Variants in ZCCHC4 observed in about 807,000 individuals in gnomAD.
The protein encoded by ZCCHC4 is rRNA N(6)-adenosine-methyltransferase ZCCHC4.
ZCCHC4 carries 54 observed loss-of-function variants against 67.7 expected under a neutral mutation model. The ratio of observed to expected loss-of-function variants is 0.80; its 90% confidence interval spans 0.64 to 1.00. The LOEUF is 1.00. Ranked by LOEUF, ZCCHC4 falls within the 50% of genes least tolerant of loss-of-function variation. The probability of loss-of-function intolerance (pLI) is 0.00; values close to 1 mark genes in which losing one functional copy is unlikely to be tolerated. For synonymous variants in ZCCHC4, 198 were observed against 213.5 expected, an observed-to-expected ratio of 0.93 and a Z score of 0.63; for missense variants, 609 against 617.0, an observed-to-expected ratio of 0.99 and a Z score of 0.14.
At chr4:25,344,250 TA>T (rs1291627858) in intron 5 of ZCCHC4, among the ~76,000 whole-genome samples, 1 of 152,084 alleles carries the variant, frequency 6.6e-6, no homozygotes, top group East Asian at 1.9e-4. Context: ...AATGGCTTTT[TA>T]AAATACTGTG....
chr4:25,350,774 T>G (rs1720266571), intron 7 of ZCCHC4, among the ~76,000 whole-genome samples: 1 of 152,200 alleles, frequency 6.6e-6, no homozygotes, highest in Non-Finnish European at 1.5e-5. Flanking sequence ...AGTCCACTAA[T>G]TAGAGTGGAT....
At chr4:25,339,954 C>T (rs1213500961) in intron 5 of ZCCHC4, among the ~76,000 whole-genome samples, 4 of 151,784 alleles carry the variant, frequency 2.6e-5, no homozygotes, top group Admixed American at 6.6e-5. Flanking sequence ...CTGCAACCTC[C>T]GCCTCCCAGC....
rs1170439140 is a variant in ZCCHC4 at position 25,359,266 on chromosome 4, C to T, written c.1012-2593C>T. Among the ~76,000 whole-genome samples the T allele has an allele frequency of 6.6e-6, 1 of 152,114 alleles. No homozygotes were observed. Among genetic ancestry groups the T allele is most frequent in the African/African-American group, 2.4e-5 (1 of 41,438 alleles). The stretch of plus-strand genomic sequence containing the variant: ...TGGATGGGCATTTTTGACTGTGCTA[C>T]GAGAAGTACACACCCAGTCCCTGAG... On this transcript the variant is annotated intron_variant, in intron 8 of 12. Coordinates refer to ENST00000302874, the MANE Select transcript of ZCCHC4 (RefSeq NM_024936.3). This position sits in a 1 kb window ranked among gnomAD's most constrained non-coding sequence, Gnocchi z 4.9.
intron 3 of ZCCHC4, among the ~76,000 whole-genome samples, chr4:25,319,639 A>T (rs1166394682): frequency 6.6e-6 from 1 of 152,116 alleles, no homozygotes; most frequent in East Asian, 1.9e-4. Context: ...GTCTTAAGAT[A>T]AAGAGTCCTA....
chr4:25,313,583 T>C (rs972273769), intron 1 of ZCCHC4, among the ~76,000 whole-genome samples: 4 of 152,164 alleles, frequency 2.6e-5, no homozygotes, highest in African/African-American at 9.7e-5. Flanking sequence ...AAACATTCAT[T>C]AAACACAGAG....
intron 8 of ZCCHC4, among the ~76,000 whole-genome samples, chr4:25,357,160 T>C (rs926887776): frequency 4.6e-5 from 7 of 152,240 alleles, no homozygotes; most frequent in African/African-American, 1.7e-4. Flanking sequence ...ATAAGTCCAA[T>C]TGCTATTCCA....
intron 8 of ZCCHC4, among the ~76,000 whole-genome samples, chr4:25,358,671 AGCTTTCCAGCC>A (rs1450698670): frequency 6.6e-6 from 1 of 152,228 alleles, no homozygotes; most frequent in Non-Finnish European, 1.5e-5. Flanking sequence ...AGGCCAAGGC[AGCTTTCCAGCC>A]GCAGCATGAC....
At chr4:25,364,604 A>T in intron 11 of ZCCHC4, 99 bp downstream of exon 11, 1 of 1,055,758 alleles carries the variant, frequency 9.5e-7, no homozygotes, top group Non-Finnish European at 1.4e-6. Context: ...CGAAAAAATA[A>T]TCAGTGTAGA....
chr4:25,358,177 G>T (rs1339860597), intron 8 of ZCCHC4, among the ~76,000 whole-genome samples: 1 of 152,242 alleles, frequency 6.6e-6, no homozygotes, highest in Non-Finnish European at 1.5e-5. Context: ...CTTGAGGAGA[G>T]AGGTACATGT....
chr4:25,356,465 A>C (rs1720522841), intron 8 of ZCCHC4, among the ~76,000 whole-genome samples: 1 of 152,114 alleles, frequency 6.6e-6, no homozygotes, highest in Non-Finnish European at 1.5e-5. Flanking sequence ...AAATAATAAT[A>C]ATCTCAATTA....
chr4:25,347,927 A>G (rs936168246), intron 6 of ZCCHC4, among the ~76,000 whole-genome samples: 8 of 152,146 alleles, frequency 5.3e-5, no homozygotes, highest in East Asian at 1.9e-4. Context: ...GCAAGTATCT[A>G]TTTCCCACAG....
At chr4:25,334,697 ATTGT>A (rs1719364576) in intron 5 of ZCCHC4, among the ~76,000 whole-genome samples, 1 of 152,188 alleles carries the variant, frequency 6.6e-6, no homozygotes, top group African/African-American at 2.4e-5. Context: ...AGTTTCTGTA[ATTGT>A]TTAATACCAG....
chr4:25,345,379 T>C (rs577242693), intron 5 of ZCCHC4, among the ~76,000 whole-genome samples, 169 bp from the exon 6 acceptor site: 1 of 152,364 alleles, frequency 6.6e-6, no homozygotes, highest in East Asian at 1.9e-4. Context: ...TTAAGTTTGT[T>C]ATTTATTCAC....
At position 25,312,856 on chromosome 4, in the gene ZCCHC4, G is replaced by C. The variant is rs201763036; in HGVS notation, c.47G>C (p.Ser16Thr). The change falls in exon 1 of 13, where the codon AGC (serine) becomes ACC (threonine). Residue 16 changes from serine to threonine, a missense_variant. Transcript: ENST00000302874. ...TTTGAAGCCGTGGAGGCAGAGGGCA[G>C]CGCAGGGTGCCGGGGAAGCTCGGGA... The part of the protein sequence containing the change: ...NGFEAVEAEG[S>T]AGCRGSSGME... 4.1e-4 allele frequency: 658 copies of C among 1,613,254 alleles called. 2 individuals carry two copies. The Middle Eastern group carries it at 6.2e-3, about 15-fold the overall frequency.
intron 3 of ZCCHC4, among the ~76,000 whole-genome samples, chr4:25,323,418 A>T (rs554775895): frequency 3.4e-5 from 5 of 149,030 alleles, no homozygotes; most frequent in East Asian, 2.0e-4. Context: ...TTTTTTTTTC[A>T]TATCACTATG....
intron 8 of ZCCHC4, among the ~76,000 whole-genome samples, chr4:25,360,588 C>A (rs547367138): frequency 6.6e-6 from 1 of 152,186 alleles, no homozygotes; most frequent in Non-Finnish European, 1.5e-5. Flanking sequence ...GGATAACAAT[C>A]CCCCAAACTG....
rs752346940 is a variant in ZCCHC4, at chr4:25,333,205, C to T, written c.352C>T (p.Pro118Ser). 4.3e-6 allele frequency: 7 copies of T among 1,613,712 alleles called. No homozygotes were observed. The South Asian group carries it at 7.7e-5, about 18-fold the overall frequency. Residue 118 changes from proline to serine, a missense_variant, in exon 4 of 13, where the codon CCC (proline) becomes TCC (serine). By Grantham distance (74) the Pro-to-Ser change is moderately conservative. Coordinates refer to ENST00000302874, the MANE Select transcript of ZCCHC4 (RefSeq NM_024936.3). ...AAGGTACTTGAAGTTTATTGAGTTG[C>T]CCTTGACTCAGAGAAAGTTTTGTCA... Reference protein sequence around the residue: ...VERYLKFIELPLTQRKFCQTC... With the variant: ...VERYLKFIELSLTQRKFCQTC...
At chr4:25,363,377 T>A (rs1720828356) in intron 10 of ZCCHC4, among the ~76,000 whole-genome samples, 1 of 152,236 alleles carries the variant, frequency 6.6e-6, no homozygotes, top group Non-Finnish European at 1.5e-5. Flanking sequence ...TGAATGATAT[T>A]CCTTTGATGT....
At chr4:25,343,571 G>A (rs1719854176) in intron 5 of ZCCHC4, among the ~76,000 whole-genome samples, 1 of 152,172 alleles carries the variant, frequency 6.6e-6, no homozygotes, top group Non-Finnish European at 1.5e-5. Context: ...CCAGTCCTAT[G>A]TGGTAGAAAT....
Sources: allele counts gnomAD v4.1 joint callset (sites outside exome capture counted in the v4.1 genomes callset), GRCh38; gene constraint gnomAD v4.1.1; non-coding constraint Gnocchi (gnomAD v3.1); transcripts MANE v1.5; gene names NCBI Gene and HGNC (gene_info 2026-07-23, HGNC 2026-07-21).